Variants in PTPRO observed in about 807,000 individuals in gnomAD.
The protein encoded by PTPRO is receptor-type tyrosine-protein phosphatase O.
A neutral mutation model predicts 145.2 loss-of-function variants in PTPRO; 62 were observed. That is an observed-to-expected ratio of 0.43 (90% CI 0.35 to 0.53). The LOEUF (loss-of-function observed/expected upper bound fraction) is 0.53, where lower values mean the gene tolerates loss of function less well. PTPRO is among the 20% of genes least tolerant of loss of function. The pLI, the probability that PTPRO is intolerant of heterozygous loss-of-function variation, is 0.01. For synonymous variants in PTPRO, 565 were observed against 514.7 expected (o/e 1.10, Z -1.32); for missense variants, 1,345 against 1,482.7 (o/e 0.91, Z 1.53).
At chr12:15,485,830 C>T (rs1941874170) in intron 2 of PTPRO, among the ~76,000 whole-genome samples, 2 of 152,076 alleles carry the variant, frequency 1.3e-5, no homozygotes, top group African/African-American at 4.8e-5. Context: ...TTTCTTTGAC[C>T]TGTAGGGCTT....
intron 1 of PTPRO, among the ~76,000 whole-genome samples, chr12:15,483,368 C>CAGAT (rs1363112577): frequency 1.3e-5 from 2 of 152,150 alleles, no homozygotes; most frequent in Non-Finnish European, 2.9e-5. Flanking sequence ...TAGACACCAG[C>CAGAT]AGATCCTCCA....
chr12:15,418,721 G>A (rs775232045), intron 1 of PTPRO, among the ~76,000 whole-genome samples: 1 of 151,860 alleles, frequency 6.6e-6, no homozygotes, highest in Non-Finnish European at 1.5e-5. Context: ...TGTGCCATAC[G>A]TCAGCCAAAG....
intron 1 of PTPRO, among the ~76,000 whole-genome samples, chr12:15,436,637 A>AAGTGGC (rs1479895405): frequency 6.6e-6 from 1 of 152,234 alleles, no homozygotes; most frequent in African/African-American, 2.4e-5. Flanking sequence ...ACACCAGGAA[A>AAGTGGC]AGTGGCAGAA....
intron 1 of PTPRO, among the ~76,000 whole-genome samples, chr12:15,427,546 T>C (rs1340317639): frequency 6.6e-6 from 1 of 151,740 alleles, no homozygotes; most frequent in African/African-American, 2.4e-5. Context: ...AACTGATAAT[T>C]TTATCTCTTC....
chr12:15,429,096 G>A (rs1305498080), intron 1 of PTPRO, among the ~76,000 whole-genome samples: 1 of 152,134 alleles, frequency 6.6e-6, no homozygotes, highest in Non-Finnish European at 1.5e-5. Flanking sequence ...AGAAAACAAT[G>A]AAGAGTATTT....
At chr12:15,370,615 T>C (rs1464876173) in intron 1 of PTPRO, among the ~76,000 whole-genome samples, 1 of 152,172 alleles carries the variant, frequency 6.6e-6, no homozygotes, top group African/African-American at 2.4e-5. Flanking sequence ...ATGAGAGGTG[T>C]CATAATTTTT....
chr12:15,356,780 G>T (rs1938002644), intron 1 of PTPRO, among the ~76,000 whole-genome samples: 1 of 152,096 alleles, frequency 6.6e-6, no homozygotes, highest in Non-Finnish European at 1.5e-5. Context: ...TATAGTGATT[G>T]CTCAGAAATG....
chr12:15,362,680 A>T (rs1938245546), intron 1 of PTPRO, among the ~76,000 whole-genome samples: 1 of 152,278 alleles, frequency 6.6e-6, no homozygotes, highest in African/African-American at 2.4e-5. Flanking sequence ...TAGGTCCAGT[A>T]AAATATGAAC....
At chr12:15,492,461 T>G (rs1187276002) in intron 2 of PTPRO, among the ~76,000 whole-genome samples, 1 of 152,098 alleles carries the variant, frequency 6.6e-6, no homozygotes, top group Non-Finnish European at 1.5e-5. Context: ...CAGTTCCACC[T>G]AATCAGGAGG....
chr12:15,437,739 C>T (rs1008321160), intron 1 of PTPRO, among the ~76,000 whole-genome samples: 1 of 152,228 alleles, frequency 6.6e-6, no homozygotes, highest in African/African-American at 2.4e-5. Flanking sequence ...GAACCTGGAA[C>T]ACAGAACTTG....
chr12:15,428,693 C>T lies in PTPRO; in HGVS notation c.76-55281C>T, dbSNP rs551011240. Among the ~76,000 whole-genome samples the T allele has an allele frequency of 5.3e-5, 8 of 152,184 alleles. No homozygotes were observed. The East Asian group carries it at 1.4e-3, about 26-fold the overall frequency. On this transcript the variant is annotated intron_variant, in intron 1 of 26. Coordinates refer to ENST00000281171, the MANE Select transcript of PTPRO (RefSeq NM_030667.3). ...CAAATAAGATAGAATTTATATCTTG[C>T]CTACATAATGTAAGCGGTCATCCAA...
chr12:15,508,831 G>A lies in PTPRO; in HGVS notation c.1464+64G>A. 2.0e-6 allele frequency: 3 copies of A among 1,522,806 alleles called. No individual in the cohort carries two copies. The Admixed American group carries it at 5.2e-5, about 27-fold the overall frequency. 94.3% of individuals were successfully genotyped at this position (1,522,806 alleles called of 1,614,324 possible). ...CCTAAGCACAACCTTACAGGGCAAT[G>A]CCAAGGAGGCAATTGTAGGAAGCCA... On this transcript the variant is annotated intron_variant, in intron 7 of 26. Transcript: ENST00000281171.
At chr12:15,452,225 C>T (rs1367503309) in intron 1 of PTPRO, among the ~76,000 whole-genome samples, 1 of 152,062 alleles carries the variant, frequency 6.6e-6, no homozygotes, top group Admixed American at 6.6e-5. Flanking sequence ...CCTTTATGTG[C>T]ATAAATTAGA....
chr12:15,415,487 C>A (rs1451853694), intron 1 of PTPRO, among the ~76,000 whole-genome samples: 1 of 151,936 alleles, frequency 6.6e-6, no homozygotes, highest in Non-Finnish European at 1.5e-5. Context: ...CAGGTTCACG[C>A]CATTCTCCTG....
At chr12:15,463,721 C>G (rs541500252) in intron 1 of PTPRO, among the ~76,000 whole-genome samples, 2 of 152,102 alleles carry the variant, frequency 1.3e-5, no homozygotes, top group African/African-American at 4.8e-5. Context: ...TCCTTCCTCC[C>G]TTTTTACTTT....
chr12:15,497,700 C>G (rs1373771497), intron 3 of PTPRO, among the ~76,000 whole-genome samples: 1 of 152,198 alleles, frequency 6.6e-6, no homozygotes, highest in Non-Finnish European at 1.5e-5. Flanking sequence ...TAAATTCAGA[C>G]TTAAGTTTAG....
intron 1 of PTPRO, among the ~76,000 whole-genome samples, chr12:15,344,686 C>T (rs538790768): frequency 6.6e-6 from 1 of 152,254 alleles, no homozygotes; most frequent in African/African-American, 2.4e-5. Context: ...TTTTCATATG[C>T]TGATCTGAAT....
intron 1 of PTPRO, among the ~76,000 whole-genome samples, chr12:15,476,309 G>A (rs1203614862): frequency 6.6e-6 from 1 of 152,142 alleles, no homozygotes; most frequent in East Asian, 1.9e-4. Context: ...ACCGTGAGAT[G>A]AAGGAGGGCT....
chr12:15,415,491 T>C (rs1156810974), intron 1 of PTPRO, among the ~76,000 whole-genome samples: 1 of 151,838 alleles, frequency 6.6e-6, no homozygotes, highest in Non-Finnish European at 1.5e-5. Context: ...TTCACGCCAT[T>C]CTCCTGCCTC....
Sources: gnomAD v4.1 joint callset for allele counts (sites outside exome capture counted in the v4.1 genomes callset) on GRCh38, gnomAD v4.1.1 for gene constraint, MANE v1.5 for transcripts, NCBI Gene and HGNC (gene_info 2026-07-23, HGNC 2026-07-21) for gene names.